BMAL1: variants seen among roughly 807,000 people sequenced by gnomAD.
BMAL1 encodes the protein basic helix-loop-helix ARNT-like protein 1.
the BMAL1 span, among the ~76,000 whole-genome samples, chr11:13,359,797 A>C: frequency 6.6e-5 from 10 of 152,294 alleles, no homozygotes; most frequent in African/African-American, 2.4e-4. Context: ...TGGGAGTGCG[A>C]GCTGCATTGA....
chr11:13,278,101 C>A, the BMAL1 span, among the ~76,000 whole-genome samples: 40 of 152,124 alleles, frequency 2.6e-4, no homozygotes, highest in South Asian at 4.1e-4. Context: ...TCCCTGCCCC[C>A]ACCCGGGCCG....
chr11:13,332,786 C>T, the BMAL1 span, among the ~76,000 whole-genome samples: 1 of 151,788 alleles, frequency 6.6e-6, no homozygotes, highest in African/African-American at 2.4e-5. Context: ...GTGGGTGGGT[C>T]GGTGGTAAGG....
At chr11:13,364,009 A>G in the BMAL1 span, among the ~76,000 whole-genome samples, 1 of 152,206 alleles carries the variant, frequency 6.6e-6, no homozygotes, top group Non-Finnish European at 1.5e-5. Context: ...TTGTCGGTTC[A>G]GGCCTGACCC....
the BMAL1 span, among the ~76,000 whole-genome samples, chr11:13,383,078 C>G: frequency 6.6e-6 from 1 of 152,200 alleles, no homozygotes; most frequent in Admixed American, 6.5e-5. Flanking sequence ...ACAGTTAAAA[C>G]TGACAGCAGT....
chr11:13,282,107 C>G, the BMAL1 span, among the ~76,000 whole-genome samples: 1 of 152,176 alleles, frequency 6.6e-6, no homozygotes, highest in African/African-American at 2.4e-5. Flanking sequence ...ATTGAGTCCT[C>G]ATGACACACT....
the BMAL1 span, among the ~76,000 whole-genome samples, chr11:13,312,225 A>C: frequency 6.6e-6 from 1 of 152,220 alleles, no homozygotes; most frequent in African/African-American, 2.4e-5. Flanking sequence ...GGGAATTATT[A>C]ATAGTATTCT....
At chr11:13,310,056 AT>A in the BMAL1 span, 1 of 152,576 alleles carries the variant, frequency 6.6e-6, no homozygotes, top group Admixed American at 6.5e-5. Context: ...CTGGGCCTTC[AT>A]TGGTAAGTTT....
chr11:13,290,373 C>T, the BMAL1 span, among the ~76,000 whole-genome samples: 2 of 152,130 alleles, frequency 1.3e-5, no homozygotes, highest in African/African-American at 2.4e-5. Flanking sequence ...CAGAATCTAG[C>T]CAGCTGGCCA....
At chr11:13,291,513 T>C in the BMAL1 span, among the ~76,000 whole-genome samples, 7 of 152,212 alleles carry the variant, frequency 4.6e-5, no homozygotes, top group Non-Finnish European at 7.3e-5. Context: ...CCTAGTGTTA[T>C]GACATCTCCT....
the BMAL1 span, among the ~76,000 whole-genome samples, chr11:13,301,891 G>T: frequency 7.2e-5 from 11 of 152,202 alleles, no homozygotes; most frequent in Non-Finnish European, 1.5e-4. Flanking sequence ...AATTGCCCAG[G>T]ATCACACTGC....
the BMAL1 span, among the ~76,000 whole-genome samples, chr11:13,306,790 G>A: frequency 4.1e-4 from 62 of 152,368 alleles, no homozygotes; most frequent in African/African-American, 1.4e-3. Flanking sequence ...TGCTGTAGGA[G>A]TGCACAAAAG....
the BMAL1 span, among the ~76,000 whole-genome samples, chr11:13,350,806 TAAAAC>T: frequency 2.9e-3 from 441 of 152,292 alleles, 2 homozygotes; most frequent in Middle Eastern, 0.01. Flanking sequence ...AGAAAAGACT[TAAAAC>T]ATGTCACTTT....
the BMAL1 span, among the ~76,000 whole-genome samples, chr11:13,336,480 C>T: frequency 6.6e-6 from 1 of 152,074 alleles, no homozygotes; most frequent in Non-Finnish European, 1.5e-5. Flanking sequence ...GGTAATGAGG[C>T]TTCTCGTGGG....
the BMAL1 span, among the ~76,000 whole-genome samples, chr11:13,334,352 C>G: frequency 2.0e-5 from 3 of 152,284 alleles, no homozygotes; most frequent in Non-Finnish European, 4.4e-5. Flanking sequence ...TAGACAGGAG[C>G]CTTAGTTGAA....
chr11:13,354,155 G>C, the BMAL1 span: 1 of 732,872 alleles, frequency 1.4e-6, no homozygotes. Flanking sequence ...GGGTGTGAGA[G>C]ATGCATTAGT....
chr11:13,347,322 A>C, the BMAL1 span, among the ~76,000 whole-genome samples: 1 of 152,176 alleles, frequency 6.6e-6, no homozygotes. Flanking sequence ...TCTAGGTTGC[A>C]GTGAGCTATG....
chr11:13,317,015 GATTGT>G, the BMAL1 span, among the ~76,000 whole-genome samples: 1 of 152,186 alleles, frequency 6.6e-6, no homozygotes, highest in South Asian at 2.1e-4. Flanking sequence ...TGTAAAATGG[GATTGT>G]AATCATTAGA....
chr11:13,284,965 C>T, the BMAL1 span, among the ~76,000 whole-genome samples: 2 of 152,098 alleles, frequency 1.3e-5, no homozygotes, highest in African/African-American at 2.4e-5. Context: ...CTTGCCTCTC[C>T]GCTGTCCTCC....
chr11:13,364,395 G>A, the BMAL1 span, among the ~76,000 whole-genome samples: 1 of 152,134 alleles, frequency 6.6e-6, no homozygotes, highest in Non-Finnish European at 1.5e-5. Flanking sequence ...TTTACCTTCT[G>A]GCACATTAAT....
Sources: allele counts gnomAD v4.1 joint callset (sites outside exome capture counted in the v4.1 genomes callset), GRCh38; gene constraint gnomAD v4.1.1; transcripts MANE v1.5; gene names NCBI Gene and HGNC (gene_info 2026-07-23, HGNC 2026-07-21).